The following NBEA variants were observed in gnomAD, a reference collection of about 807,000 sequenced individuals.
NBEA encodes the protein lysosomal-trafficking regulator 2.
Under a neutral mutation model 343.4 loss-of-function variants are expected in NBEA, and 44 were observed. That is an observed-to-expected ratio of 0.13 (90% CI 0.10 to 0.16). The LOEUF is 0.16. Ranked by LOEUF, NBEA falls within the 10% of genes least tolerant of loss-of-function variation. The probability of loss-of-function intolerance (pLI) is 1.00; values close to 1 mark genes in which losing one functional copy is unlikely to be tolerated. For synonymous variants in NBEA, 1,175 were observed against 1,238.7 expected (o/e 0.95, Z 1.08); for missense variants, 2,555 against 3,631.3 (o/e 0.70, Z 7.62).
At chr13:35,111,418 G>A (rs1455995039) in intron 13 of NBEA, among the ~76,000 whole-genome samples, 1 of 150,564 alleles carries the variant, frequency 6.6e-6, no homozygotes, top group African/African-American at 2.4e-5. Context: ...AATATAGCCA[G>A]TTTTTCTAAT....
At chr13:34,963,413 T>G (rs1445872150) in intron 1 of NBEA, among the ~76,000 whole-genome samples, 2 of 151,978 alleles carry the variant, frequency 1.3e-5, no homozygotes, top group Non-Finnish European at 2.9e-5. Flanking sequence ...CTTTAAAGGT[T>G]CTATCTCCAA....
At chr13:35,455,379 T>C (rs2046521628) in intron 40 of NBEA, among the ~76,000 whole-genome samples, 1 of 148,410 alleles carries the variant, frequency 6.7e-6, no homozygotes, top group Non-Finnish European at 1.5e-5. Context: ...ATTCAAAAGA[T>C]AGATCAATTT....
intron 35 of NBEA, among the ~76,000 whole-genome samples, chr13:35,305,884 A>G (rs1044441820): frequency 2.6e-5 from 4 of 152,202 alleles, no homozygotes; most frequent in African/African-American, 4.8e-5. Context: ...TGATTATTCT[A>G]TCTTCATATG....
intron 30 of NBEA, among the ~76,000 whole-genome samples, chr13:35,191,053 C>A (rs1479984041): frequency 6.6e-6 from 1 of 152,094 alleles, no homozygotes; most frequent in East Asian, 1.9e-4. Context: ...GGAAAAGAAT[C>A]AGCAACATGA....
At chr13:35,352,364 T>A in intron 38 of NBEA, 41 bp downstream of exon 38, 2 of 1,078,456 alleles carry the variant, frequency 1.9e-6, no homozygotes, top group Non-Finnish European at 2.5e-6. Context: ...ATTCATAGGT[T>A]AATTATAATA....
At chr13:35,461,907 G>A (rs899446083) in intron 40 of NBEA, among the ~76,000 whole-genome samples, 4 of 152,276 alleles carry the variant, frequency 2.6e-5, no homozygotes, top group Admixed American at 1.3e-4. Context: ...CTAAGGACAA[G>A]TATTTACATG....
Position 35,239,001 on chromosome 13 carries a change from C to T in NBEA, c.5776+6382C>T, listed in dbSNP as rs527420807. 1.1e-4 allele frequency among the ~76,000 whole-genome samples: 16 copies of T among 151,732 alleles called. No individual in the cohort carries two copies. In the East Asian group the frequency reaches 2.1e-3, roughly 20 times the overall value. On this transcript the variant is annotated intron_variant, in intron 34 of 58. Coordinates refer to ENST00000379939, the MANE Select transcript of NBEA (RefSeq NM_001385012.1). ...TAGGCACATAATCAGAAAAACTTGC[C>T]GTATTTTTATTTAAAAATTATAGAC...
intron 30 of NBEA, among the ~76,000 whole-genome samples, chr13:35,195,133 T>C (rs911725723): frequency 4.6e-5 from 7 of 152,094 alleles, no homozygotes; most frequent in Non-Finnish European, 8.8e-5. Flanking sequence ...CCAAAGAAAG[T>C]ATAAAAATGA....
At position 35,594,279 on chromosome 13, in the gene NBEA, C is replaced by A. The variant is rs377296311; in HGVS notation, c.7296+832C>A. On this transcript the variant is annotated intron_variant, in intron 47 of 58. Transcript: ENST00000379939. Reference sequence around the variant, plus strand: ...TGTTACGGTATCATTCCATTTAGAGCCTTAAACCAACAAAAGTTAGTGAGT... The same window carrying A: ...TGTTACGGTATCATTCCATTTAGAGACTTAAACCAACAAAAGTTAGTGAGT... Among the ~76,000 whole-genome samples the A allele has an allele frequency of 7.2e-5, 11 of 152,052 alleles. No homozygotes were observed. The East Asian group carries it at 9.7e-4, about 13-fold the overall frequency.
intron 38 of NBEA, among the ~76,000 whole-genome samples, chr13:35,377,475 G>A (rs150562446): frequency 6.6e-6 from 1 of 152,296 alleles, no homozygotes; most frequent in African/African-American, 2.4e-5. Context: ...ATTCACTGTA[G>A]TTTGATAGTT....
Position 35,412,953 on chromosome 13 carries a change from T to C in NBEA, c.6180-19316T>C, listed in dbSNP as rs528726617. 2.0e-5 allele frequency among the ~76,000 whole-genome samples: 3 copies of C among 152,264 alleles called. No homozygotes were observed. The South Asian group carries it at 6.2e-4, about 32-fold the overall frequency. Reference sequence around the variant, plus strand: ...ATAGTACCTATCTCAAAGGGATTAATGAAAAGTAGTTGAGTAGTGAGTAGA... The same window carrying C: ...ATAGTACCTATCTCAAAGGGATTAACGAAAAGTAGTTGAGTAGTGAGTAGA... On this transcript the variant is annotated intron_variant, in intron 38 of 58. Coordinates refer to ENST00000379939, the MANE Select transcript of NBEA (RefSeq NM_001385012.1).
intron 38 of NBEA, among the ~76,000 whole-genome samples, chr13:35,401,640 A>G (rs2043006785): frequency 6.6e-6 from 1 of 152,046 alleles, no homozygotes; most frequent in Admixed American, 6.6e-5. Context: ...CTCTTTTACA[A>G]AGGGTCATTG....
chr13:35,367,900 T>A (rs757600950), intron 38 of NBEA, among the ~76,000 whole-genome samples: 2 of 151,528 alleles, frequency 1.3e-5, no homozygotes, highest in Non-Finnish European at 3.0e-5. Flanking sequence ...TAAGTTAACA[T>A]GCATACGAAG....
chr13:34,986,141 A>G (rs576177718), intron 1 of NBEA, among the ~76,000 whole-genome samples: 34 of 150,466 alleles, frequency 2.3e-4, no homozygotes, highest in African/African-American at 8.0e-4. Context: ...TGTCGATTTT[A>G]GATGTTTCCT....
At chr13:35,447,654 T>A (rs2046117583) in intron 39 of NBEA, among the ~76,000 whole-genome samples, 1 of 152,164 alleles carries the variant, frequency 6.6e-6, no homozygotes, top group Non-Finnish European at 1.5e-5. Context: ...TGTGGTATTT[T>A]AATGTTTTCA....
intron 41 of NBEA, among the ~76,000 whole-genome samples, chr13:35,542,218 A>G (rs1346217806): frequency 1.3e-5 from 2 of 151,904 alleles, no homozygotes; most frequent in Non-Finnish European, 2.9e-5. Flanking sequence ...ATGGCATATA[A>G]TAACATTCCT....
In NBEA at chr13:35,613,343, C is replaced by G. The variant is rs1011785546; in HGVS notation, c.7449+6765C>G. 4.0e-5 allele frequency among the ~76,000 whole-genome samples: 6 copies of G among 150,650 alleles called. No individual in the cohort carries two copies. In the South Asian group the frequency reaches 1.0e-3, roughly 26 times the overall value. On this transcript the variant is annotated intron_variant, in intron 48 of 58. Transcript: ENST00000379939. ...CCTATTTTATTTAACATAATATCCT[C>G]CAGGTTCATCCATGTTGCCACAAAT...
chr13:35,628,314 C>T (rs2083312252), intron 49 of NBEA, 66 bp downstream of exon 49: 1 of 1,165,880 alleles, frequency 8.6e-7, no homozygotes, highest in South Asian at 1.9e-5. Flanking sequence ...TTTGACATTT[C>T]ATCTCTTTCT....
chr13:35,361,070 C>A (rs974575458), intron 38 of NBEA, among the ~76,000 whole-genome samples: 4 of 151,906 alleles, frequency 2.6e-5, no homozygotes, highest in Non-Finnish European at 5.9e-5. Flanking sequence ...CATAATTAAT[C>A]TTCTGAAAAC....
Sources: allele counts gnomAD v4.1 joint callset (sites outside exome capture counted in the v4.1 genomes callset), GRCh38; gene constraint gnomAD v4.1.1; transcripts MANE v1.5; gene names NCBI Gene and HGNC (gene_info 2026-07-23, HGNC 2026-07-21).